Variants in LCP1 observed in about 807,000 individuals in gnomAD.
The protein encoded by LCP1 is plastin-2.
LCP1 carries 23 observed loss-of-function variants against 72.0 expected under a neutral mutation model. That is an observed-to-expected ratio of 0.32 (90% confidence interval 0.23 to 0.45). The LOEUF (loss-of-function observed/expected upper bound fraction) is 0.45, where lower values mean the gene tolerates loss of function less well. Ranked by LOEUF, LCP1 falls within the 20% of genes least tolerant of loss-of-function variation. LCP1 has a pLI of 1.00. For missense variants in LCP1, 571 were observed against 748.3 expected (o/e 0.76, Z 2.76); for synonymous variants, 245 against 275.4 (o/e 0.89, Z 1.09).
Position 46,143,316 on chromosome 13 carries a change from G to T in LCP1, c.1342C>A (p.Pro448Thr). The T allele has an allele frequency of 6.2e-7, 1 of 1,613,588 alleles. No homozygotes were observed. Among genetic ancestry groups the T allele is most frequent in the South Asian group, 1.1e-5 (1 of 91,070 alleles). Residue 448 changes from proline (P) to threonine (T), a missense_variant, in exon 12 of 16, where the codon CCC becomes ACC. Transcript: ENST00000323076. ...DWNRVNKPPYPKLGGNMKKLE... is the reference protein window; with the variant it reads ...DWNRVNKPPYTKLGGNMKKLE... ...TTCTTCATATTGCCTCCCAGTTTGGGGTATGGCGGTTTGTTTACTCTGTTC... is the reference window on the plus strand; with the variant it reads ...TTCTTCATATTGCCTCCCAGTTTGGTGTATGGCGGTTTGTTTACTCTGTTC...
At position 46,159,682 on chromosome 13, in the gene LCP1, C is replaced by T; in HGVS notation, c.-20G>A. ...GGCCATTTTTTATTGCTTTAGGTAA[C>T]AGATCTGGAGAGAAGAAGAACATAA... is the stretch of plus-strand genomic sequence containing the variant. On this transcript the variant is annotated 5_prime_UTR_variant, in exon 2 of 16. Transcript: ENST00000323076. 1 of 1,597,542 alleles carries T rather than the reference C, an allele frequency of 6.3e-7. No individual in the cohort carries two copies. The highest frequency in any genetic ancestry group is 1.1e-5 in the South Asian group (1 of 90,702).
chr13:46,174,614 T>C (rs1228311548), intron 1 of LCP1, among the ~76,000 whole-genome samples: 1 of 151,762 alleles, frequency 6.6e-6, no homozygotes, highest in African/African-American at 2.4e-5. Flanking sequence ...GAGGCCGAAG[T>C]AGGGGGATCG....
chr13:46,157,321 C>T (rs1766739818), intron 4 of LCP1, among the ~76,000 whole-genome samples: 3 of 151,892 alleles, frequency 2.0e-5, no homozygotes, highest in Non-Finnish European at 4.4e-5. Context: ...CTCAGGATTC[C>T]GCTTTTAGCT....
intron 13 of LCP1, among the ~76,000 whole-genome samples, chr13:46,138,704 T>G (rs2045679858): frequency 6.6e-6 from 1 of 152,196 alleles, no homozygotes. Context: ...TGGAGTGCAG[T>G]GGCATGATCT....
chr13:46,159,036 A>C, intron 2 of LCP1, 47 bp from the exon 3 acceptor site: 1 of 1,583,776 alleles, frequency 6.3e-7, no homozygotes, highest in Non-Finnish European at 8.7e-7. Flanking sequence ...TTCAGGCAAC[A>C]GCTTTTAGAG....
At chr13:46,166,046 G>A (rs1213371672) in intron 1 of LCP1, among the ~76,000 whole-genome samples, 5 of 152,192 alleles carry the variant, frequency 3.3e-5, no homozygotes, top group African/African-American at 1.2e-4. Flanking sequence ...TCTGCTTAAA[G>A]GGTGCTGGTA....
At chr13:46,143,513 C>G (rs925378051) in intron 11 of LCP1, 109 bp from the exon 12 acceptor site, 1 of 689,186 alleles carries the variant, frequency 1.5e-6, no homozygotes, top group Non-Finnish European at 2.5e-6. Flanking sequence ...TCACAACAAC[C>G]CTGCACACTT....
intron 13 of LCP1, among the ~76,000 whole-genome samples, chr13:46,139,623 C>T (rs2045685750): frequency 6.6e-6 from 1 of 152,118 alleles, no homozygotes; most frequent in African/African-American, 2.4e-5. Flanking sequence ...CTTGTCAGAG[C>T]TATTAGTATA....
chr13:46,172,548 A>C (rs2045909565), intron 1 of LCP1, among the ~76,000 whole-genome samples: 1 of 152,184 alleles, frequency 6.6e-6, no homozygotes, highest in South Asian at 2.1e-4. Context: ...GCAAAGCAAA[A>C]GCACACACAG....
intron 13 of LCP1, among the ~76,000 whole-genome samples, chr13:46,135,743 CTTTTTT>C: frequency 7.7e-6 from 1 of 130,568 alleles, no homozygotes; most frequent in Non-Finnish European, 1.6e-5. Flanking sequence ...TCTGGTCTGT[CTTTTTT>C]TTTTTTTTTT....
chr13:46,131,404 T>C (rs957562026), intron 14 of LCP1, among the ~76,000 whole-genome samples: 6 of 152,198 alleles, frequency 3.9e-5, no homozygotes, highest in African/African-American at 1.2e-4. Flanking sequence ...ACACTGTTGG[T>C]GGGAATGTAA....
intron 1 of LCP1, among the ~76,000 whole-genome samples, chr13:46,176,907 G>C (rs1183669283): frequency 6.6e-6 from 1 of 151,860 alleles, no homozygotes; most frequent in Non-Finnish European, 1.5e-5. Flanking sequence ...GTGTGTGAGA[G>C]AGCGAGAGAG....
At chr13:46,141,832 C>T (rs1048927175) in intron 13 of LCP1, among the ~76,000 whole-genome samples, 1 of 151,850 alleles carries the variant, frequency 6.6e-6, no homozygotes, top group Admixed American at 6.6e-5. Flanking sequence ...ATAATTTCCC[C>T]TTTATTTAAA....
At chr13:46,160,567 G>C (rs777419055) in intron 1 of LCP1, among the ~76,000 whole-genome samples, 4 of 152,200 alleles carry the variant, frequency 2.6e-5, no homozygotes, top group African/African-American at 7.2e-5. Flanking sequence ...TCAGCTATGG[G>C]AATCTGAGGC....
chr13:46,171,366 G>A (rs2045903641), intron 1 of LCP1, among the ~76,000 whole-genome samples: 2 of 152,212 alleles, frequency 1.3e-5, no homozygotes, highest in South Asian at 4.1e-4. Flanking sequence ...CTGACCTCAT[G>A]TTAATTAGGG....
At position 46,157,618 on chromosome 13, in the gene LCP1, T is replaced by C. The variant is rs78599953; in HGVS notation, c.358+904A>G. ...TGGGAAATACTGTGTAGTGAATGTA[T>C]CTCCGCCTTAAAGATTCACATTGCA... On this transcript the variant is annotated intron_variant, in intron 4 of 15. Coordinates refer to ENST00000323076, the MANE Select transcript of LCP1 (RefSeq NM_002298.5). Among the ~76,000 whole-genome samples the C allele has an allele frequency of 5.4e-3, 821 of 152,238 alleles. 4 individuals carry two copies. Among genetic ancestry groups the C allele is most frequent in the African/African-American group, 0.019 (792 of 41,528 alleles).
chr13:46,154,736 G>C, intron 6 of LCP1, 69 bp downstream of exon 6: 1 of 1,291,840 alleles, frequency 7.7e-7, no homozygotes, highest in Non-Finnish European at 1.1e-6. Context: ...GAAAAAGGCG[G>C]ACTCAGCAGT....
At chr13:46,142,795 A>C (rs2045706289) in intron 12 of LCP1, 1 of 467,746 alleles carries the variant, frequency 2.1e-6, no homozygotes, top group South Asian at 1.5e-5. Flanking sequence ...CATCCTCTGC[A>C]CACATAGCAA....
At chr13:46,177,460 T>C (rs111288253) in intron 1 of LCP1, among the ~76,000 whole-genome samples, 355 of 152,054 alleles carry the variant, frequency 2.3e-3, no homozygotes, top group African/African-American at 7.6e-3. Flanking sequence ...GCTAACAAGG[T>C]GAAACCCGTC....
Sources: allele counts gnomAD v4.1 joint callset (sites outside exome capture counted in the v4.1 genomes callset), GRCh38; gene constraint gnomAD v4.1.1; transcripts MANE v1.5; gene names NCBI Gene and HGNC (gene_info 2026-07-23, HGNC 2026-07-21).